DLG5: variants seen among roughly 807,000 people sequenced by gnomAD.
The protein encoded by DLG5 is discs large MAGUK scaffold protein 5.
Under a neutral mutation model 189.8 loss-of-function variants are expected in DLG5, and 48 were observed. That is an observed-to-expected ratio of 0.25 (90% CI 0.20 to 0.32). DLG5 has a LOEUF of 0.32. DLG5 is among the 10% of genes least tolerant of loss of function. The pLI is 1.00. For synonymous variants in DLG5, 1,016 were observed against 1,054.1 expected (o/e 0.96, Z 0.70); for missense variants, 2,160 against 2,544.7 (o/e 0.85, Z 3.25).
chr10:77,912,115 T>G (rs1445369627), intron 1 of DLG5, among the ~76,000 whole-genome samples: 1 of 147,422 alleles, frequency 6.8e-6, no homozygotes, highest in African/African-American at 2.5e-5. Context: ...GGCAGGAGGA[T>G]CGCCTGAGCC....
chr10:77,918,915 CA>C (rs1202388033), intron 1 of DLG5, among the ~76,000 whole-genome samples: 1 of 149,782 alleles, frequency 6.7e-6, no homozygotes, highest in African/African-American at 2.5e-5. Context: ...TGAGGTGGGA[CA>C]AAAAAAAATG....
intron 2 of DLG5, 72 bp downstream of exon 2, chr10:77,869,057 G>A (rs1844798300): frequency 7.7e-7 from 1 of 1,307,142 alleles, no homozygotes; most frequent in African/African-American, 1.5e-5. Context: ...CCTCTCCCAT[G>A]AACCCCAGCT....
rs1320416897 is a variant in DLG5, at chr10:77,791,670, C to T, written c.*770G>A. 6.5e-6 allele frequency: 1 copy of T among 152,700 alleles called. No individual in the cohort carries two copies. Among genetic ancestry groups the T allele is most frequent in the Admixed American group, 6.5e-5 (1 of 15,296 alleles). 9.5% of individuals were successfully genotyped at this position (152,700 alleles called of 1,614,324 possible). On this transcript the variant is annotated 3_prime_UTR_variant, in exon 32 of 32. Transcript: ENST00000372391. ...ACAGCTGAACACCACCTGGACCCCA[C>T]TGCAGCCCTGCCCACGCAGCTCTCA...
In DLG5 at chr10:77,805,837, C is replaced by T. The variant is rs1323172262; in HGVS notation, c.4992G>A (p.Arg1664=). ...KYVMDQEFSR[R]LSMSEVKDDN... is the part of the protein sequence containing the mutation. ...CATCTTTGACTTCAGACATGCTGAGCCTCCTGGAGAATTCTTGGTCCATCC... is the reference window on the plus strand; with the variant it reads ...CATCTTTGACTTCAGACATGCTGAGTCTCCTGGAGAATTCTTGGTCCATCC... Residue 1664 remains arginine (R), a synonymous_variant, in exon 27 of 32, where the codon AGG becomes AGA. Transcript: ENST00000372391. 1.2e-6 allele frequency: 2 copies of T among 1,613,576 alleles called. No homozygotes were observed. The highest frequency in any genetic ancestry group is 3.3e-5 in the Admixed American group (2 of 60,006).
At chr10:77,884,117 G>A (rs533715216) in intron 1 of DLG5, among the ~76,000 whole-genome samples, 1 of 152,320 alleles carries the variant, frequency 6.6e-6, no homozygotes, top group Non-Finnish European at 1.5e-5. Flanking sequence ...TGGAGCAGGG[G>A]TAGGAGGAGC....
At chr10:77,901,501 C>T (rs1845925946) in intron 1 of DLG5, among the ~76,000 whole-genome samples, 1 of 152,246 alleles carries the variant, frequency 6.6e-6, no homozygotes, top group African/African-American at 2.4e-5. Context: ...CACATCCACA[C>T]AGTGCAGCTA....
intron 7 of DLG5, among the ~76,000 whole-genome samples, chr10:77,839,687 T>C (rs529724719): frequency 2.0e-5 from 3 of 152,374 alleles, no homozygotes; most frequent in African/African-American, 7.2e-5. Context: ...CAAAAAATTA[T>C]GTGCTCAGAT....
At chr10:77,813,987 T>C (rs566340628) in intron 20 of DLG5, among the ~76,000 whole-genome samples, 43 of 151,610 alleles carry the variant, frequency 2.8e-4, no homozygotes, top group African/African-American at 1.0e-3. Flanking sequence ...TTTTTCTTTC[T>C]TTTTTTTTGG....
intron 13 of DLG5, among the ~76,000 whole-genome samples, chr10:77,825,886 G>C (rs1314696737): frequency 2.0e-5 from 3 of 152,108 alleles, no homozygotes; most frequent in Non-Finnish European, 4.4e-5. Flanking sequence ...AATATCTGCA[G>C]AGTGATTATC....
intron 5 of DLG5, among the ~76,000 whole-genome samples, chr10:77,851,696 C>T (rs1286818666): frequency 2.0e-5 from 3 of 152,222 alleles, no homozygotes; most frequent in African/African-American, 4.8e-5. Context: ...GCCCTGGTTA[C>T]TCCACATAAA....
intron 1 of DLG5, among the ~76,000 whole-genome samples, chr10:77,887,141 C>G (rs1845463590): frequency 6.6e-6 from 1 of 152,192 alleles, no homozygotes; most frequent in South Asian, 2.1e-4. Context: ...AAAACTTCAG[C>G]CCCCAGGACA....
chr10:77,811,166 G>C lies in DLG5; in HGVS notation c.4391C>G (p.Pro1464Arg). 1 of 1,613,376 alleles carries C rather than the reference G, an allele frequency of 6.2e-7. No individual in the cohort carries two copies. The highest frequency in any genetic ancestry group is 8.5e-7 in the Non-Finnish European group (1 of 1,179,996). The stretch of plus-strand genomic sequence containing the variant: ...CTCCATCAGTGGGTCGATGACAGAT[G>C]GATGCTCCGGGGTGGTGGTGCCACT... ...QGSGTTTPEH[P>R]SVIDPLMEQD... The change falls in exon 23 of 32, where the codon CCA (proline) becomes CGA (arginine). Residue 1464 changes from proline (P) to arginine (R), a missense_variant. By Grantham distance (103) the Pro-to-Arg change is moderately radical. Coordinates refer to ENST00000372391, the MANE Select transcript of DLG5 (RefSeq NM_004747.4).
intron 20 of DLG5, among the ~76,000 whole-genome samples, chr10:77,814,468 TA>T (rs2154575387): frequency 1.5e-5 from 1 of 65,288 alleles, no homozygotes; most frequent in South Asian, 4.5e-4. Flanking sequence ...TGTTTATATA[TA>T]TATATATATA....
At chr10:77,845,338 A>C (rs1248674) in intron 5 of DLG5, 114,272 of 152,108 alleles carry the variant, frequency 0.75, 44,101 homozygotes, top group African/African-American at 0.94. Context: ...CCGAGGAATC[A>C]CCTGGCTCAT....
At chr10:77,794,793 C>T (rs1023479708) in intron 30 of DLG5, 56 bp downstream of exon 30, 2 of 1,475,710 alleles carry the variant, frequency 1.4e-6, no homozygotes, top group Non-Finnish European at 1.9e-6. Flanking sequence ...CCTACTTGGG[C>T]TCCCAGCCCC....
chr10:77,839,614 G>A (rs527904793), intron 7 of DLG5, among the ~76,000 whole-genome samples: 5 of 152,268 alleles, frequency 3.3e-5, no homozygotes, highest in East Asian at 1.9e-4. Flanking sequence ...TTACTGACTC[G>A]GTCATTTTCC....
chr10:77,934,399 A>G, the DLG5 span, among the ~76,000 whole-genome samples: 1 of 151,982 alleles, frequency 6.6e-6, no homozygotes, highest in Non-Finnish European at 1.5e-5. Flanking sequence ...GAAAAGGAAA[A>G]AATAAATACA....
chr10:77,861,183 A>G (rs918180008), intron 2 of DLG5, among the ~76,000 whole-genome samples: 3 of 152,210 alleles, frequency 2.0e-5, no homozygotes, highest in African/African-American at 7.2e-5. Context: ...AGCAGAAAAG[A>G]CCAGTGACAT....
intron 1 of DLG5, among the ~76,000 whole-genome samples, chr10:77,874,405 T>C (rs947194794): frequency 5.9e-5 from 9 of 152,236 alleles, no homozygotes; most frequent in African/African-American, 2.2e-4. Flanking sequence ...TTAATGCAGG[T>C]TGAGTATCCC....
Sources: gnomAD v4.1 joint callset for allele counts (sites outside exome capture counted in the v4.1 genomes callset) on GRCh38, gnomAD v4.1.1 for gene constraint, MANE v1.5 for transcripts, NCBI Gene and HGNC (gene_info 2026-07-23, HGNC 2026-07-21) for gene names.